Variants in CSRNP3 observed in about 807,000 individuals in gnomAD.
The protein encoded by CSRNP3 is cysteine/serine-rich nuclear protein 3.
In CSRNP3, 12 loss-of-function variants were observed where a neutral mutation model predicts 48.0. The ratio of observed to expected loss-of-function variants is 0.25; its 90% CI spans 0.16 to 0.41. The LOEUF (loss-of-function observed/expected upper bound fraction) is 0.41, where lower values mean the gene tolerates loss of function less well. Among genes scored for constraint, CSRNP3 ranks in the 10% least tolerant of loss-of-function variants. CSRNP3 has a pLI of 1.00. For synonymous variants in CSRNP3, 263 were observed against 269.7 expected (o/e 0.98, Z 0.24); for missense variants, 580 against 724.4 (o/e 0.80, Z 2.29).
intron 4 of CSRNP3, among the ~76,000 whole-genome samples, chr2:165,623,840 T>G (rs1183788164): frequency 1.3e-5 from 2 of 152,218 alleles, no homozygotes; most frequent in African/African-American, 4.8e-5. Flanking sequence ...TGTCTCCTAC[T>G]GTTACTTTTT....
chr2:165,569,276 C>A (rs537850480), intron 3 of CSRNP3, among the ~76,000 whole-genome samples: 1 of 152,022 alleles, frequency 6.6e-6, no homozygotes, highest in Non-Finnish European at 1.5e-5. Context: ...CTAATAGTAG[C>A]AAGTGGTATA....
intron 4 of CSRNP3, among the ~76,000 whole-genome samples, chr2:165,636,430 C>G (rs534947192): frequency 1.3e-5 from 2 of 152,258 alleles, no homozygotes; most frequent in South Asian, 4.1e-4. Flanking sequence ...GATAACTGTA[C>G]TAACTCCATC....
At chr2:165,521,802 T>C (rs1684666160) in intron 3 of CSRNP3, among the ~76,000 whole-genome samples, 3 of 152,172 alleles carry the variant, frequency 2.0e-5, no homozygotes, top group Non-Finnish European at 4.4e-5. Flanking sequence ...CTAGATGCCA[T>C]TGGCACTTCA....
intron 1 of CSRNP3, among the ~76,000 whole-genome samples, chr2:165,479,184 A>G (rs752589574): frequency 7.9e-5 from 12 of 152,212 alleles, no homozygotes; most frequent in Non-Finnish European, 1.3e-4. Context: ...TGTATATTTT[A>G]CCAGGAAAAG....
In CSRNP3 at chr2:165,682,061, CAG is replaced by C. The variant is rs1275291031; in HGVS notation, c.*2311_*2312del. On this transcript the variant is annotated 3_prime_UTR_variant, in exon 7 of 7. Transcript: ENST00000651982. ...GTACTCTGAGGTTATTCTTGGAACACAGAGTGTGGGAGAGTGGGGAAGAGCCA... is the reference window on the plus strand; with the variant it reads ...GTACTCTGAGGTTATTCTTGGAACACAGTGTGGGAGAGTGGGGAAGAGCCA... 2 of 151,800 alleles carry C rather than the reference CAG, an allele frequency of 1.3e-5. No homozygotes were observed. Among genetic ancestry groups the C allele is most frequent in the African/African-American group, 4.8e-5 (2 of 41,306 alleles). 9.4% of individuals were successfully genotyped at this position (151,800 alleles called of 1,614,324 possible).
chr2:165,558,729 T>C (rs956753757), intron 3 of CSRNP3, among the ~76,000 whole-genome samples: 2 of 152,182 alleles, frequency 1.3e-5, no homozygotes, highest in African/African-American at 4.8e-5. Flanking sequence ...AGCATGCATG[T>C]GAAAGTGTCA....
intron 3 of CSRNP3, among the ~76,000 whole-genome samples, chr2:165,568,118 T>C (rs568724182): frequency 1.1e-4 from 16 of 152,014 alleles, no homozygotes; most frequent in Non-Finnish European, 1.9e-4. Flanking sequence ...TTCTTCTCCT[T>C]CCTCTCTCAC....
At chr2:165,574,547 C>CT in intron 3 of CSRNP3, 1 of 578,154 alleles carries the variant, frequency 1.7e-6, no homozygotes, top group Admixed American at 3.7e-5. Flanking sequence ...TCAGGATTCC[C>CT]TTAACTAGTT....
At position 165,628,836 on chromosome 2, in the gene CSRNP3, C is replaced by T. The variant is rs187986127; in HGVS notation, c.149-28925C>T. On this transcript the variant is annotated intron_variant, in intron 4 of 6. Transcript: ENST00000651982. ...AATCCCAGCTTTTGGGAGGCCAAGG[C>T]GGGAGGATTACTTGAGCCCAGGAGT... Among the ~76,000 whole-genome samples, 513 of 152,054 alleles carry T rather than the reference C, an allele frequency of 3.4e-3. 2 individuals are homozygous for T. The highest frequency in any genetic ancestry group is 0.011 in the African/African-American group (471 of 41,484).
chr2:165,580,863 T>TG (rs1553476631), intron 3 of CSRNP3, among the ~76,000 whole-genome samples: 1 of 128,224 alleles, frequency 7.8e-6, no homozygotes, highest in Non-Finnish European at 1.8e-5. Context: ...ATGTGTGTTT[T>TG]GTTTTTTTTT....
intron 4 of CSRNP3, among the ~76,000 whole-genome samples, chr2:165,645,873 G>GA (rs1553482562): frequency 6.6e-6 from 1 of 151,598 alleles, no homozygotes; most frequent in Non-Finnish European, 1.5e-5. Flanking sequence ...AGCCTTGTAG[G>GA]TTTTTTTTGT....
At chr2:165,488,734 T>A (rs1684157901) in intron 1 of CSRNP3, among the ~76,000 whole-genome samples, 2 of 119,392 alleles carry the variant, frequency 1.7e-5, no homozygotes, top group South Asian at 6.7e-4. Context: ...AATAAAGATG[T>A]TCTTTGAAAC....
intron 1 of CSRNP3, among the ~76,000 whole-genome samples, chr2:165,492,934 T>TAAA (rs374777311): frequency 6.3e-4 from 57 of 90,746 alleles, no homozygotes; most frequent in African/African-American, 9.5e-4. Flanking sequence ...TCAAATTCCC[T>TAAA]AAAAAAAAAA....
At chr2:165,558,614 A>T (rs1260230630) in intron 3 of CSRNP3, among the ~76,000 whole-genome samples, 1 of 152,178 alleles carries the variant, frequency 6.6e-6, no homozygotes, top group African/African-American at 2.4e-5. Context: ...ACACACACAC[A>T]TTTACATGAA....
At chr2:165,472,248 T>TA (rs1438849519) in intron 1 of CSRNP3, among the ~76,000 whole-genome samples, 1 of 152,048 alleles carries the variant, frequency 6.6e-6, no homozygotes, top group African/African-American at 2.4e-5. Context: ...TAAGAATTTT[T>TA]TAAACTTAAC....
chr2:165,604,709 C>G (rs940933177), intron 4 of CSRNP3, among the ~76,000 whole-genome samples: 10 of 152,180 alleles, frequency 6.6e-5, no homozygotes, highest in African/African-American at 2.4e-4. Context: ...AACTGTATAA[C>G]ACACTTGAGG....
Position 165,679,385 on chromosome 2 carries a change from A to G in CSRNP3, c.1390A>G (p.Thr464Ala). 2 of 1,613,544 alleles carry G rather than the reference A, an allele frequency of 1.2e-6. No homozygotes were observed. Among genetic ancestry groups the G allele is most frequent in the Non-Finnish European group, 1.7e-6 (2 of 1,179,888 alleles). The change falls in exon 7 of 7, where the codon ACC becomes GCC. Residue 464 changes from threonine to alanine, a missense_variant. Thr to Ala is a moderately conservative substitution (Grantham distance 58). Around this residue, in one of 4 missense-constraint regions of CSRNP3, gnomAD observed 369 missense variants for 380.8 expected, o/e 0.97. Transcript: ENST00000651982. ...YSERDTVKNGTLSLVPYTMTP... is the reference protein window; with the variant it reads ...YSERDTVKNGALSLVPYTMTP... ...TGAAAGAGACACTGTCAAAAATGGT[A>G]CCCTTTCGCTGGTGCCTTACACCAT...
chr2:165,612,830 A>T (rs535028779), intron 4 of CSRNP3, among the ~76,000 whole-genome samples: 2 of 152,080 alleles, frequency 1.3e-5, no homozygotes, highest in Non-Finnish European at 2.9e-5. Context: ...TCATCTGTTG[A>T]TGGACAATTA....
chr2:165,621,985 C>T (rs1276779086), intron 4 of CSRNP3, among the ~76,000 whole-genome samples: 1 of 152,186 alleles, frequency 6.6e-6, no homozygotes, highest in Non-Finnish European at 1.5e-5. Flanking sequence ...TCCCTACTCT[C>T]ACAAATGGCA....
Sources: allele counts gnomAD v4.1 joint callset (sites outside exome capture counted in the v4.1 genomes callset), GRCh38; gene constraint gnomAD v4.1.1; regional missense constraint gnomAD v4.1.1; transcripts MANE v1.5; gene names NCBI Gene and HGNC (gene_info 2026-07-23, HGNC 2026-07-21).